Variants in GLG1 observed in about 807,000 individuals in gnomAD.
GLG1 encodes the protein golgi glycoprotein 1, also known as Golgi apparatus protein 1.
A neutral mutation model predicts 160.5 loss-of-function variants in GLG1; 38 were observed. The ratio of observed to expected loss-of-function variants is 0.24; its 90% CI spans 0.18 to 0.31. The LOEUF (loss-of-function observed/expected upper bound fraction) is 0.31. Ranked by LOEUF, GLG1 falls within the 10% of genes least tolerant of loss-of-function variation. The probability of loss-of-function intolerance (pLI) is 1.00; values close to 1 mark genes in which losing one functional copy is unlikely to be tolerated. For synonymous variants in GLG1, 644 were observed against 543.4 expected, an observed-to-expected ratio of 1.19 and a Z score of -2.57; for missense variants, 1,373 against 1,505.2, an observed-to-expected ratio of 0.91 and a Z score of 1.45.
At position 74,607,064 on chromosome 16, in the gene GLG1, A is replaced by T; in HGVS notation, c.31T>A (p.Phe11Ile). 6.3e-7 allele frequency: 1 copy of T among 1,583,080 alleles called. No homozygotes were observed. The highest frequency in any genetic ancestry group is 1.3e-5 in the African/African-American group (1 of 74,546). Residue 11 changes from phenylalanine (F) to isoleucine (I), a missense_variant, in exon 1 of 26, where the codon TTC becomes ATC. Phe to Ile is a conservative substitution (Grantham distance 21). Coordinates refer to ENST00000422840, the MANE Select transcript of GLG1 (RefSeq NM_001145667.2). MAACGRVRRM[F>I]RLSAALHLLL... ...AGATGCAGCGCCGCCGACAAGCGGA[A>T]CATCCTCCGTACACGTCCACACGCC...
intron 2 of GLG1, among the ~76,000 whole-genome samples, chr16:74,527,523 T>G (rs1329333095): frequency 6.6e-6 from 1 of 151,936 alleles, no homozygotes; most frequent in Non-Finnish European, 1.5e-5. Flanking sequence ...GTGCTGGGAT[T>G]ACAGGCGTGA....
At chr16:74,498,827 T>G (rs918128529) in intron 4 of GLG1, among the ~76,000 whole-genome samples, 1 of 116,068 alleles carries the variant, frequency 8.6e-6, no homozygotes, top group Non-Finnish European at 1.6e-5. Context: ...TTAGTGCCAC[T>G]GCACTCCAGC....
chr16:74,463,513 T>C, intron 19 of GLG1, 34 bp from the exon 20 acceptor site: 1 of 1,607,788 alleles, frequency 6.2e-7, no homozygotes, highest in African/African-American at 1.3e-5. Flanking sequence ...AACAGCTATC[T>C]AAACATGGCG....
chr16:74,568,139 T>G (rs149279730), intron 1 of GLG1, among the ~76,000 whole-genome samples: 1 of 152,280 alleles, frequency 6.6e-6, no homozygotes, highest in East Asian at 1.9e-4. Context: ...TGCCACAACG[T>G]GGAGACTGTG....
intron 1 of GLG1, among the ~76,000 whole-genome samples, chr16:74,585,593 A>C (rs1002144540): frequency 3.3e-5 from 5 of 151,946 alleles, no homozygotes; most frequent in African/African-American, 9.6e-5. Flanking sequence ...CTGTAGTCCC[A>C]GCTACTCAGG....
chr16:74,576,804 C>A (rs2019016976), intron 1 of GLG1, among the ~76,000 whole-genome samples: 1 of 152,044 alleles, frequency 6.6e-6, no homozygotes, highest in South Asian at 2.1e-4. Context: ...TAAATATAAT[C>A]TTTGAGTATA....
At chr16:74,585,732 T>C (rs1958033955) in intron 1 of GLG1, among the ~76,000 whole-genome samples, 2 of 145,058 alleles carry the variant, frequency 1.4e-5, no homozygotes, top group African/African-American at 2.5e-5. Context: ...AAAAAAGGCC[T>C]CTAAGTAAAA....
chr16:74,480,129 C>A, intron 11 of GLG1, 112 bp downstream of exon 11: 1 of 863,502 alleles, frequency 1.2e-6, no homozygotes, highest in South Asian at 1.5e-5. Context: ...CTTCTCCCCA[C>A]AAAATAGTCT....
intron 1 of GLG1, among the ~76,000 whole-genome samples, chr16:74,575,353 G>A (rs1252137211): frequency 6.6e-6 from 1 of 152,166 alleles, no homozygotes; most frequent in Non-Finnish European, 1.5e-5. Context: ...ACCACTAGGG[G>A]AGAAATATTC....
intron 1 of GLG1, among the ~76,000 whole-genome samples, chr16:74,598,615 G>T (rs764969529): frequency 2.0e-5 from 3 of 151,730 alleles, no homozygotes; most frequent in South Asian, 4.1e-4. Context: ...AAATAAGGCC[G>T]GGCGCGGTGG....
chr16:74,544,351 T>G (rs1317976751), intron 1 of GLG1, among the ~76,000 whole-genome samples: 1 of 152,230 alleles, frequency 6.6e-6, no homozygotes, highest in Non-Finnish European at 1.5e-5. Context: ...TTCACTCTTG[T>G]TGCCCAGGCT....
At chr16:74,597,743 A>G (rs1423762766) in intron 1 of GLG1, among the ~76,000 whole-genome samples, 1 of 151,442 alleles carries the variant, frequency 6.6e-6, no homozygotes, top group African/African-American at 2.4e-5. Flanking sequence ...AGTCCCAGCT[A>G]CTCGGGAGGC....
chr16:74,486,178 A>G (rs2015779778), intron 8 of GLG1, among the ~76,000 whole-genome samples: 1 of 152,212 alleles, frequency 6.6e-6, no homozygotes, highest in African/African-American at 2.4e-5. Flanking sequence ...GGAGGTCTTT[A>G]CAACATGAAT....
rs187384372 is a variant in GLG1 at position 74,543,420 on chromosome 16, T to C, written c.439-11267A>G. On this transcript the variant is annotated intron_variant, in intron 1 of 25. Transcript: ENST00000422840. ...AGTTGGAGGCAGTAATGTGTTATGTTAGAGCCTGTGAATAGCTACTGCACT... is the reference window on the plus strand; with the variant it reads ...AGTTGGAGGCAGTAATGTGTTATGTCAGAGCCTGTGAATAGCTACTGCACT... 2.2e-3 allele frequency among the ~76,000 whole-genome samples: 340 copies of C among 152,286 alleles called. 2 individuals are homozygous for C. The highest frequency in any genetic ancestry group is 3.5e-3 in the Non-Finnish European group (240 of 68,030).
chr16:74,501,173 T>C (rs1011302746), intron 4 of GLG1, among the ~76,000 whole-genome samples: 25 of 152,350 alleles, frequency 1.6e-4, no homozygotes, highest in African/African-American at 5.5e-4. Context: ...CTACGGGTTT[T>C]AGAAAAAGGC....
At chr16:74,540,042 ATATATTATATATATT>A (rs2017800906) in intron 1 of GLG1, among the ~76,000 whole-genome samples, 131 of 8,304 alleles carry the variant, frequency 0.016, 45 homozygotes, top group Admixed American at 0.022. Flanking sequence ...TATTTTATAT[ATATATTATATATATT>A]TTATATATAT....
intron 1 of GLG1, among the ~76,000 whole-genome samples, chr16:74,544,609 C>T (rs560918241): frequency 2.6e-5 from 4 of 152,150 alleles, no homozygotes; most frequent in Non-Finnish European, 5.9e-5. Flanking sequence ...CAGGTTTAGG[C>T]GACCCTCTTG....
At chr16:74,591,365 A>T (rs1468888743) in intron 1 of GLG1, among the ~76,000 whole-genome samples, 1 of 150,166 alleles carries the variant, frequency 6.7e-6, no homozygotes, top group Non-Finnish European at 1.5e-5. Context: ...ACGGTGGCTC[A>T]CGCCTGTAAT....
chr16:74,459,847 G>GT, intron 22 of GLG1, 58 bp from the exon 23 acceptor site: 1 of 827,210 alleles, frequency 1.2e-6, no homozygotes, highest in Non-Finnish European at 1.9e-6. Flanking sequence ...TGAACTGACA[G>GT]TTTCTTCTTT....
Sources: allele counts gnomAD v4.1 joint callset (sites outside exome capture counted in the v4.1 genomes callset), GRCh38; gene constraint gnomAD v4.1.1; transcripts MANE v1.5; gene names NCBI Gene and HGNC (gene_info 2026-07-23, HGNC 2026-07-21).